The following GRB10 variants were observed in gnomAD, a reference collection of about 807,000 sequenced individuals.
The protein encoded by GRB10 is growth factor receptor bound protein 10, also known as growth factor receptor-bound protein 10.
Under a neutral mutation model 80.9 loss-of-function variants are expected in GRB10, and 20 were observed. The observed-to-expected ratio is 0.25, with a 90% CI of 0.17 to 0.36. GRB10 has a LOEUF of 0.36. Ranked by LOEUF, GRB10 falls within the 10% of genes least tolerant of loss-of-function variation. The probability of loss-of-function intolerance (pLI) is 1.00; values close to 1 mark genes in which losing one functional copy is unlikely to be tolerated. For missense variants in GRB10, 548 were observed against 747.7 expected (o/e 0.73, Z 3.12); for synonymous variants, 291 against 291.5 (o/e 1.00, Z 0.02).
chr7:50,656,301 G>A (rs1034356555), intron 7 of GRB10, among the ~76,000 whole-genome samples: 37 of 152,206 alleles, frequency 2.4e-4, no homozygotes, highest in African/African-American at 8.2e-4. Context: ...GTCCCAGGGC[G>A]ATCCTGTGGA....
chr7:50,640,851 G>C (rs927553720), intron 7 of GRB10, among the ~76,000 whole-genome samples: 1 of 152,152 alleles, frequency 6.6e-6, no homozygotes, highest in African/African-American at 2.4e-5. Context: ...TTACAGCACT[G>C]AACTGTTTTT....
At chr7:50,754,767 G>A (rs970539404) in intron 3 of GRB10, among the ~76,000 whole-genome samples, 2 of 152,142 alleles carry the variant, frequency 1.3e-5, no homozygotes, top group African/African-American at 4.8e-5. Context: ...TCAGGCCTTT[G>A]ACCTGGGCTG....
At chr7:50,646,744 T>A (rs2057258779) in intron 7 of GRB10, among the ~76,000 whole-genome samples, 1 of 152,170 alleles carries the variant, frequency 6.6e-6, no homozygotes, top group Non-Finnish European at 1.5e-5. Flanking sequence ...CTGGGGAAAA[T>A]GCTAGCTTCT....
chr7:50,609,061 A>C (rs2049028209), intron 13 of GRB10, among the ~76,000 whole-genome samples: 1 of 152,188 alleles, frequency 6.6e-6, no homozygotes, highest in South Asian at 2.1e-4. Context: ...AAAAACATAA[A>C]TATACTTAAT....
chr7:50,619,797 T>C (rs1269735462), intron 8 of GRB10, among the ~76,000 whole-genome samples: 1 of 152,212 alleles, frequency 6.6e-6, no homozygotes, highest in Non-Finnish European at 1.5e-5. Flanking sequence ...ACAGCAAGAC[T>C]GTACGTACAT....
At chr7:50,692,643 T>G (rs2062961141) in intron 5 of GRB10, among the ~76,000 whole-genome samples, 2 of 152,078 alleles carry the variant, frequency 1.3e-5, no homozygotes, top group Admixed American at 1.3e-4. Context: ...AGGAATTCAT[T>G]AAATATCTAT....
chr7:50,593,166 G>A, intron 18 of GRB10, 68 bp from the exon 19 acceptor site: 1 of 1,553,920 alleles, frequency 6.4e-7, no homozygotes, highest in South Asian at 1.1e-5. Flanking sequence ...GGGGCCCACG[G>A]CCAGCAGCAG....
intron 7 of GRB10, among the ~76,000 whole-genome samples, chr7:50,657,148 C>T (rs1317927807): frequency 3.9e-5 from 6 of 152,150 alleles, no homozygotes; most frequent in African/African-American, 1.4e-4. Context: ...TAACTGAAAA[C>T]ATATCTAAAA....
At chr7:50,657,196 G>A (rs1038768840) in intron 7 of GRB10, among the ~76,000 whole-genome samples, 4 of 152,188 alleles carry the variant, frequency 2.6e-5, no homozygotes, top group African/African-American at 9.7e-5. Context: ...AAAATGCCGA[G>A]GGGCCAGGAA....
At chr7:50,790,500 C>G (rs1358595457) in intron 1 of GRB10, among the ~76,000 whole-genome samples, 2 of 152,240 alleles carry the variant, frequency 1.3e-5, no homozygotes, top group Non-Finnish European at 2.9e-5. Flanking sequence ...CCATACAATG[C>G]CACGTTGGTT....
intron 17 of GRB10, among the ~76,000 whole-genome samples, chr7:50,597,091 C>A (rs940319583): frequency 1.3e-5 from 2 of 152,180 alleles, no homozygotes; most frequent in African/African-American, 4.8e-5. Context: ...ACTGGAAAAT[C>A]CCATGCTGAA....
At chr7:50,780,394 T>A (rs894713320) in intron 2 of GRB10, among the ~76,000 whole-genome samples, 1 of 152,210 alleles carries the variant, frequency 6.6e-6, no homozygotes, top group Non-Finnish European at 1.5e-5. Context: ...ACAGGACTCA[T>A]ACTGCCTCAA....
intron 2 of GRB10, among the ~76,000 whole-genome samples, chr7:50,765,480 C>T (rs1399007427): frequency 6.6e-6 from 1 of 152,120 alleles, no homozygotes; most frequent in Non-Finnish European, 1.5e-5. Flanking sequence ...TGCTATTCAA[C>T]CATAAAAAAG....
chr7:50,639,118 T>C (rs979111833), intron 7 of GRB10, among the ~76,000 whole-genome samples: 2 of 152,024 alleles, frequency 1.3e-5, no homozygotes, highest in East Asian at 3.9e-4. Context: ...GGGGTGAGGG[T>C]TTTAGAAATT....
At chr7:50,717,824 C>T (rs373196805) in intron 4 of GRB10, among the ~76,000 whole-genome samples, 1 of 152,334 alleles carries the variant, frequency 6.6e-6, no homozygotes, top group African/African-American at 2.4e-5. Flanking sequence ...CATTGAGGAG[C>T]GATGGTCAGA....
intron 7 of GRB10, among the ~76,000 whole-genome samples, chr7:50,658,134 G>C (rs1212873501): frequency 6.6e-6 from 1 of 152,208 alleles, no homozygotes; most frequent in Non-Finnish European, 1.5e-5. Flanking sequence ...TGCCACATGC[G>C]CCTATTGCAG....
At chr7:50,605,456 T>G (rs1274768483) in intron 14 of GRB10, 50 bp from the exon 15 acceptor site, 2 of 1,412,572 alleles carry the variant, frequency 1.4e-6, no homozygotes, top group Non-Finnish European at 2.0e-6. Flanking sequence ...TAAGGCAGAG[T>G]GGAGTCTTGG....
At chr7:50,602,333 A>T (rs61441138) in intron 17 of GRB10, among the ~76,000 whole-genome samples, 1 of 152,192 alleles carries the variant, frequency 6.6e-6, no homozygotes, top group Non-Finnish European at 1.5e-5. Context: ...GGGAGGTTCC[A>T]GCTGGCTGCA....
intron 3 of GRB10, among the ~76,000 whole-genome samples, chr7:50,748,920 C>T (rs925815218): frequency 2.0e-5 from 3 of 152,158 alleles, no homozygotes; most frequent in Non-Finnish European, 4.4e-5. Context: ...CATAAGAAAT[C>T]AGAACCTCTA....
Sources: allele counts gnomAD v4.1 joint callset (sites outside exome capture counted in the v4.1 genomes callset), GRCh38; gene constraint gnomAD v4.1.1; transcripts MANE v1.5; gene names NCBI Gene and HGNC (gene_info 2026-07-23, HGNC 2026-07-21).